PLAG1: variants seen among roughly 807,000 people sequenced by gnomAD.
PLAG1 encodes zinc finger protein PLAG1.
In PLAG1, 7 loss-of-function variants were observed where a neutral mutation model predicts 35.5. The ratio of observed to expected loss-of-function variants is 0.20; its 90% CI spans 0.11 to 0.37. The LOEUF is 0.37. Among genes scored for constraint, PLAG1 ranks in the 10% least tolerant of loss-of-function variants. The pLI is 1.00. For missense variants in PLAG1, 454 were observed against 602.8 expected (o/e 0.75, Z 2.58); for synonymous variants, 229 against 225.4 (o/e 1.02, Z -0.14).
At chr8:56,207,576 T>A (rs1008613063) in intron 1 of PLAG1, among the ~76,000 whole-genome samples, 2 of 152,084 alleles carry the variant, frequency 1.3e-5, no homozygotes, top group African/African-American at 4.8e-5. Flanking sequence ...TTATAAATCT[T>A]CCACAGCAGA....
chr8:56,176,046 CTTTTTTTTT>C (rs1309523141), intron 2 of PLAG1, among the ~76,000 whole-genome samples: 1 of 130,104 alleles, frequency 7.7e-6, no homozygotes, highest in South Asian at 2.4e-4. Flanking sequence ...TTTTCCTTTT[CTTTTTTTTT>C]TTTTTTTTGA....
intron 1 of PLAG1, among the ~76,000 whole-genome samples, chr8:56,196,957 T>TGC (rs1812391626): frequency 1.8e-5 from 2 of 109,786 alleles, no homozygotes; most frequent in African/African-American, 5.6e-5. Context: ...TGTGCGTGTG[T>TGC]GTGTGTGTGT....
chr8:56,181,753 TAAGA>T (rs1167994293), intron 1 of PLAG1, among the ~76,000 whole-genome samples: 1 of 152,126 alleles, frequency 6.6e-6, no homozygotes. Context: ...TTTGTCAAGT[TAAGA>T]AATATAAATG....
chr8:56,175,671 C>A (rs1224554014), intron 2 of PLAG1, among the ~76,000 whole-genome samples: 1 of 152,012 alleles, frequency 6.6e-6, no homozygotes, highest in Non-Finnish European at 1.5e-5. Flanking sequence ...AAAAATTAGC[C>A]TTACTGATGT....
chr8:56,186,721 A>G (rs936124079), intron 1 of PLAG1, among the ~76,000 whole-genome samples: 1 of 146,894 alleles, frequency 6.8e-6, no homozygotes, highest in Admixed American at 6.8e-5. Flanking sequence ...AATTACTATT[A>G]TTACATTATT....
At chr8:56,207,103 TTA>T (rs373471050) in intron 1 of PLAG1, among the ~76,000 whole-genome samples, 147 of 152,062 alleles carry the variant, frequency 9.7e-4, no homozygotes, top group East Asian at 9.2e-3. Context: ...TGGTAATTTT[TTA>T]TATATCTTAA....
intron 2 of PLAG1, 36 bp downstream of exon 2, chr8:56,179,373 T>G (rs1378756083): frequency 1.2e-5 from 3 of 247,764 alleles, no homozygotes; most frequent in Non-Finnish European, 1.9e-5. Flanking sequence ...TTAATCACTT[T>G]GAAAGTCATG....
At chr8:56,203,458 AC>A (rs1488453395) in intron 1 of PLAG1, among the ~76,000 whole-genome samples, 1 of 152,110 alleles carries the variant, frequency 6.6e-6, no homozygotes, top group African/African-American at 2.4e-5. Flanking sequence ...AATGTCTTAC[AC>A]CTTTTTCTTA....
chr8:56,199,734 C>T lies in PLAG1; in HGVS notation c.-322+11387G>A, dbSNP rs186291153. Among the ~76,000 whole-genome samples the T allele has an allele frequency of 4.6e-3, 700 of 152,182 alleles. 5 individuals are homozygous for T. Among genetic ancestry groups the T allele is most frequent in the Middle Eastern group, 0.01 (3 of 294 alleles). ...TAGGCAGTACGTCTCCACCACCCCC[C>T]CCGATCCTCCCCTACAGGAGGGCTG... On this transcript the variant is annotated intron_variant, in intron 1 of 4. Transcript: ENST00000316981.
At chr8:56,194,221 G>T (rs996834621) in intron 1 of PLAG1, among the ~76,000 whole-genome samples, 1 of 151,040 alleles carries the variant, frequency 6.6e-6, no homozygotes, top group Non-Finnish European at 1.5e-5. Context: ...GGAGGCTGAG[G>T]CAAGAGAATC....
intron 1 of PLAG1, among the ~76,000 whole-genome samples, chr8:56,210,768 A>AGAGGAG (rs527954259): frequency 2.7e-5 from 4 of 149,412 alleles, no homozygotes; most frequent in East Asian, 3.9e-4. Flanking sequence ...ACAGCACCAG[A>AGAGGAG]GAGGAGGAGG....
Position 56,168,219 on chromosome 8 carries a change from T to C in PLAG1, c.51A>G (p.Lys17=). 5 of 1,613,792 alleles carry C rather than the reference T, an allele frequency of 3.1e-6. No homozygotes were observed. Among genetic ancestry groups the C allele is most frequent in the Non-Finnish European group, 4.2e-6 (5 of 1,179,766 alleles). Reference sequence around the variant, plus strand: ...CACGCTTACGTTTCCCTGAAGGGACTTTCTGGGTATCTCTTACTTCTGACA... The same window carrying C: ...CACGCTTACGTTTCCCTGAAGGGACCTTCTGGGTATCTCTTACTTCTGACA... ...GDLSEVRDTQ[K]VPSGKRKRGE... is the part of the protein sequence containing the mutation. Residue 17 remains lysine, a synonymous_variant, in exon 4 of 5, where the codon AAA becomes AAG. Coordinates refer to ENST00000316981, the MANE Select transcript of PLAG1 (RefSeq NM_002655.3).
intron 1 of PLAG1, among the ~76,000 whole-genome samples, chr8:56,184,116 AATAT>A (rs1811949275): frequency 6.6e-6 from 1 of 152,256 alleles, no homozygotes; most frequent in Non-Finnish European, 1.5e-5. Context: ...TTGCACCCAG[AATAT>A]ATAAAGAACT....
intron 1 of PLAG1, among the ~76,000 whole-genome samples, chr8:56,204,282 T>A (rs1212164642): frequency 3.9e-5 from 6 of 151,928 alleles, no homozygotes; most frequent in Non-Finnish European, 8.9e-5. Flanking sequence ...AAAAGTGACG[T>A]GAGCTCTATG....
At chr8:56,209,959 A>G (rs1243257036) in intron 1 of PLAG1, among the ~76,000 whole-genome samples, 1 of 152,192 alleles carries the variant, frequency 6.6e-6, no homozygotes, top group African/African-American at 2.4e-5. Context: ...CCCCGCAAAG[A>G]TCATTAAAAG....
At chr8:56,180,598 A>C (rs1250671406) in intron 1 of PLAG1, among the ~76,000 whole-genome samples, 1 of 152,144 alleles carries the variant, frequency 6.6e-6, no homozygotes, top group Non-Finnish European at 1.5e-5. Context: ...TTATGGTTTT[A>C]GGTCTTACGT....
At chr8:56,192,381 G>A (rs1285550241) in intron 1 of PLAG1, among the ~76,000 whole-genome samples, 2 of 152,130 alleles carry the variant, frequency 1.3e-5, no homozygotes, top group East Asian at 3.8e-4. Flanking sequence ...CTACCTACTC[G>A]CCAACAACTA....
chr8:56,174,695 A>T (rs1811636471), intron 2 of PLAG1, among the ~76,000 whole-genome samples: 1 of 152,244 alleles, frequency 6.6e-6, no homozygotes, highest in Non-Finnish European at 1.5e-5. Context: ...GATAGAATTT[A>T]CAGTTGACCC....
intron 1 of PLAG1, among the ~76,000 whole-genome samples, chr8:56,200,687 T>C (rs147019093): frequency 6.6e-6 from 1 of 152,316 alleles, no homozygotes; most frequent in Non-Finnish European, 1.5e-5. Flanking sequence ...CAGACTGGTC[T>C]TCTCTGTCTC....
Sources: gnomAD v4.1 joint callset for allele counts (sites outside exome capture counted in the v4.1 genomes callset) on GRCh38, gnomAD v4.1.1 for gene constraint, MANE v1.5 for transcripts, NCBI Gene and HGNC (gene_info 2026-07-23, HGNC 2026-07-21) for gene names.